RGS6: variants seen among roughly 807,000 people sequenced by gnomAD.
RGS6 encodes regulator of G-protein signaling 6.
Under a neutral mutation model 78.5 loss-of-function variants are expected in RGS6, and 30 were observed. The ratio of observed to expected loss-of-function variants is 0.38; its 90% CI spans 0.29 to 0.52. RGS6 has a LOEUF of 0.52. Ranked by LOEUF, RGS6 falls within the 20% of genes least tolerant of loss-of-function variation. RGS6 has a pLI of 0.85. For synonymous variants in RGS6, 206 were observed against 206.0 expected, an observed-to-expected ratio of 1.00 and a Z score of 0.00; for missense variants, 495 against 609.7, an observed-to-expected ratio of 0.81 and a Z score of 1.98.
At chr14:71,897,041 T>A in the RGS6 span, among the ~76,000 whole-genome samples, 1 of 152,218 alleles carries the variant, frequency 6.6e-6, no homozygotes, top group African/African-American at 2.4e-5. Context: ...CCATTCATAA[T>A]TGCATATTTA....
chr14:72,062,072 A>G (rs575688820), intron 2 of RGS6, among the ~76,000 whole-genome samples: 7 of 152,380 alleles, frequency 4.6e-5, no homozygotes, highest in African/African-American at 1.7e-4. Context: ...AAGCAGAGAA[A>G]TGAGACAGAC....
intron 2 of RGS6, among the ~76,000 whole-genome samples, chr14:72,284,262 C>G (rs548306423): frequency 2.0e-4 from 31 of 152,236 alleles, no homozygotes; most frequent in African/African-American, 7.0e-4. Flanking sequence ...AACAAGGAAC[C>G]AAATGTTAAT....
intron 2 of RGS6, among the ~76,000 whole-genome samples, chr14:72,229,079 TC>T (rs34179115): frequency 0.37 from 55,890 of 151,938 alleles, 10,733 homozygotes; most frequent in South Asian, 0.47. Context: ...CCTTGTGAAA[TC>T]ATTGTAGATA....
At chr14:72,032,762 A>T (rs72735998) in intron 2 of RGS6, among the ~76,000 whole-genome samples, 2 of 152,104 alleles carry the variant, frequency 1.3e-5, no homozygotes, top group Admixed American at 6.6e-5. Context: ...AGGTTCATCT[A>T]TATTGTAGCT....
the RGS6 span, among the ~76,000 whole-genome samples, chr14:71,872,197 A>T: frequency 6.6e-6 from 1 of 152,200 alleles, no homozygotes; most frequent in African/African-American, 2.4e-5. Context: ...CACTAAGAGA[A>T]GCTGAAAAAT....
chr14:72,456,417 G>A (rs948630853), intron 4 of RGS6, among the ~76,000 whole-genome samples: 1 of 152,218 alleles, frequency 6.6e-6, no homozygotes, highest in Non-Finnish European at 1.5e-5. Flanking sequence ...AGTCTCCCGA[G>A]TAGCTGGGAC....
chr14:72,005,469 A>C (rs199703605), intron 2 of RGS6, among the ~76,000 whole-genome samples: 11 of 8,558 alleles, frequency 1.3e-3, no homozygotes, highest in African/African-American at 4.8e-3. Context: ...ATCTATCTAT[A>C]TCTCCCTATT....
the RGS6 span, among the ~76,000 whole-genome samples, chr14:72,590,726 GC>G: frequency 6.6e-6 from 1 of 152,208 alleles, no homozygotes; most frequent in Non-Finnish European, 1.5e-5. Flanking sequence ...GGGGAGAGGA[GC>G]CTATAATGAG....
chr14:72,539,945 C>T, intron 16 of RGS6, 96 bp from the exon 17 acceptor site: 1 of 1,114,346 alleles, frequency 9.0e-7, no homozygotes, highest in Non-Finnish European at 1.3e-6. Flanking sequence ...TTTTGTTATT[C>T]TTTAGCTGCA....
intron 1 of RGS6, among the ~76,000 whole-genome samples, chr14:71,937,560 A>G (rs1566867528): frequency 1.3e-5 from 2 of 152,326 alleles, no homozygotes; most frequent in East Asian, 3.9e-4. Flanking sequence ...CCATTCCACC[A>G]TTCTATCAAT....
intron 17 of RGS6, among the ~76,000 whole-genome samples, chr14:72,559,723 C>A (rs185747149): frequency 1.3e-5 from 2 of 152,274 alleles, no homozygotes; most frequent in African/African-American, 2.4e-5. Context: ...TAAAAGCAGT[C>A]GGGGGAAGCG....
At chr14:72,553,312 T>A (rs1188130895) in intron 17 of RGS6, 3 of 152,662 alleles carry the variant, frequency 2.0e-5, no homozygotes, top group African/African-American at 7.2e-5. Flanking sequence ...AGAGTCAGAA[T>A]GGCCGCTGCA....
chr14:72,620,051 C>G, the RGS6 span: 4 of 1,428,520 alleles, frequency 2.8e-6, no homozygotes, highest in Non-Finnish European at 3.7e-6. Context: ...GTCTGGCCCC[C>G]GCTTACCCAT....
chr14:71,887,632 G>A, the RGS6 span, among the ~76,000 whole-genome samples: 3 of 152,152 alleles, frequency 2.0e-5, no homozygotes, highest in Admixed American at 6.5e-5. Flanking sequence ...GCTTACTAGG[G>A]TGGGGAAAAA....
chr14:72,033,384 C>T (rs1029192144), intron 2 of RGS6, among the ~76,000 whole-genome samples: 7 of 152,040 alleles, frequency 4.6e-5, no homozygotes, highest in African/African-American at 1.7e-4. Context: ...CAGGCATGAG[C>T]CACCATGTCT....
chr14:72,401,402 C>G (rs1273833863), intron 3 of RGS6, among the ~76,000 whole-genome samples: 2 of 151,852 alleles, frequency 1.3e-5, no homozygotes, highest in Non-Finnish European at 2.9e-5. Context: ...GGTTCACAAG[C>G]CTCACTGTTG....
chr14:72,228,528 G>A (rs72721816), intron 2 of RGS6, among the ~76,000 whole-genome samples: 8,755 of 152,226 alleles, frequency 0.058, 358 homozygotes, highest in East Asian at 0.27. Flanking sequence ...GATAATTCTG[G>A]TGGTTCAGTA....
chr14:71,879,813 A>G, the RGS6 span, among the ~76,000 whole-genome samples: 2 of 152,220 alleles, frequency 1.3e-5, no homozygotes, highest in South Asian at 2.1e-4. Flanking sequence ...AATACAGTCA[A>G]TTGGTACTGG....
intron 17 of RGS6, among the ~76,000 whole-genome samples, chr14:72,547,871 A>AC (rs1047679150): frequency 2.6e-5 from 4 of 151,850 alleles, no homozygotes; most frequent in African/African-American, 9.7e-5. Context: ...TTCTCTCCAC[A>AC]CCCCCCGTGG....
Sources: allele counts gnomAD v4.1 joint callset (sites outside exome capture counted in the v4.1 genomes callset), GRCh38; gene constraint gnomAD v4.1.1; transcripts MANE v1.5; gene names NCBI Gene and HGNC (gene_info 2026-07-23, HGNC 2026-07-21).